Variants in NBEA observed in about 807,000 individuals in gnomAD.
The protein encoded by NBEA is lysosomal-trafficking regulator 2.
In NBEA, 44 loss-of-function variants were observed where a neutral mutation model predicts 343.4. The ratio of observed to expected loss-of-function variants is 0.13; its 90% CI spans 0.10 to 0.16. NBEA has a LOEUF of 0.16. Among genes scored for constraint, NBEA ranks in the 10% least tolerant of loss-of-function variants. NBEA has a pLI of 1.00. For synonymous variants in NBEA, 1,175 were observed against 1,238.7 expected, an observed-to-expected ratio of 0.95 and a Z score of 1.08; for missense variants, 2,555 against 3,631.3, an observed-to-expected ratio of 0.70 and a Z score of 7.62.
intron 1 of NBEA, among the ~76,000 whole-genome samples, chr13:35,009,331 G>C (rs1248563510): frequency 6.6e-6 from 1 of 152,154 alleles, no homozygotes; most frequent in Non-Finnish European, 1.5e-5. Flanking sequence ...TCTGTGGAGA[G>C]CATAATGCAG....
intron 1 of NBEA, among the ~76,000 whole-genome samples, chr13:35,020,477 C>T (rs1011821666): frequency 2.0e-5 from 3 of 151,936 alleles, no homozygotes; most frequent in East Asian, 1.9e-4. Context: ...TATGTATGCC[C>T]CAATAACAAT....
rs1348731685 is a variant in NBEA, at chr13:35,159,848, C to T, written c.3677C>T (p.Ala1226Val). 3.1e-6 allele frequency: 5 copies of T among 1,607,436 alleles called. No individual in the cohort carries two copies. Among genetic ancestry groups the T allele is most frequent in the East Asian group, 2.2e-5 (1 of 44,600 alleles). The change falls in exon 22 of 59, where the codon GCG becomes GTG. Residue 1226 changes from alanine (A) to valine (V), a missense_variant. This residue lies in a region of NBEA where 367 missense variants were observed against 377.5 expected (regional missense o/e 0.97). Transcript: ENST00000379939. ...AGCAGTATTTCTGAAAGAGACTTAG[C>T]GTCATCAACTAAGGGGCTGGAGTAT... ...GMSSISERDL[A>V]SSTKGLEYAE...
intron 49 of NBEA, among the ~76,000 whole-genome samples, chr13:35,643,416 A>G (rs187583355): frequency 2.6e-5 from 4 of 152,290 alleles, no homozygotes; most frequent in Admixed American, 1.3e-4. Context: ...TAGAGTAAGC[A>G]TTCAACAAAT....
chr13:35,320,561 A>G (rs527582908), intron 36 of NBEA, among the ~76,000 whole-genome samples: 3 of 152,056 alleles, frequency 2.0e-5, no homozygotes, highest in African/African-American at 7.2e-5. Flanking sequence ...GTGAATCTGA[A>G]GTTTATGTGT....
Position 35,466,946 on chromosome 13 carries a change from A to G in NBEA, c.6449-5454A>G, listed in dbSNP as rs73497927. On this transcript the variant is annotated intron_variant, in intron 40 of 58. Transcript: ENST00000379939. ...TGAAACCCAGAGAACCATCCTGGAT[A>G]TCTAAAATTTGGGAATCTAAAATTT... 9.8e-3 allele frequency among the ~76,000 whole-genome samples: 1,494 copies of G among 152,258 alleles called. 27 individuals are homozygous for G. The highest frequency in any genetic ancestry group is 0.034 in the African/African-American group (1,432 of 41,536).
At chr13:35,008,254 T>C (rs2061376336) in intron 1 of NBEA, among the ~76,000 whole-genome samples, 1 of 152,218 alleles carries the variant, frequency 6.6e-6, no homozygotes, top group African/African-American at 2.4e-5. Context: ...GGTTTTAGTA[T>C]ACAATTTTCC....
intron 41 of NBEA, chr13:35,476,297 CTG>C (rs2075864294): frequency 4.4e-6 from 1 of 227,728 alleles, no homozygotes; most frequent in Non-Finnish European, 5.6e-6. Flanking sequence ...GTTGGTTTCC[CTG>C]CTGCTGCTGC....
intron 33 of NBEA, among the ~76,000 whole-genome samples, chr13:35,215,399 A>G (rs1040073368): frequency 2.6e-5 from 4 of 151,274 alleles, no homozygotes; most frequent in African/African-American, 4.8e-5. Flanking sequence ...GTGTTTGATG[A>G]TATTATATTA....
Position 35,555,095 on chromosome 13 carries a change from T to C in NBEA, c.6915T>C (p.Thr2305=). ...SNFEYLMFLN[T]IAGRTYNDLN... ...TCGAATATTTGATGTTCCTTAATAC[T>C]ATTGCAGGTAAGATGTCTCATTCTT... Residue 2305 remains threonine, a synonymous_variant, in exon 44 of 59, where the codon ACT becomes ACC. Transcript: ENST00000379939. 6.4e-7 allele frequency: 1 copy of C among 1,557,346 alleles called. No individual in the cohort carries two copies. Among genetic ancestry groups the C allele is most frequent in the South Asian group, 1.1e-5 (1 of 88,424 alleles).
At chr13:35,623,907 G>A (rs2153062657) in intron 48 of NBEA, among the ~76,000 whole-genome samples, 1 of 152,158 alleles carries the variant, frequency 6.6e-6, no homozygotes, top group South Asian at 2.1e-4. Flanking sequence ...AAGCTATCCA[G>A]CTAATTTTAT....
chr13:35,276,010 A>G (rs2034557992), intron 34 of NBEA, among the ~76,000 whole-genome samples: 1 of 152,194 alleles, frequency 6.6e-6, no homozygotes, highest in African/African-American at 2.4e-5. Context: ...TAATTTAAAA[A>G]AAGAAGAGAT....
rs184811734 is a variant in NBEA, at chr13:35,422,716, A to G, written c.6180-9553A>G. 8.5e-5 allele frequency among the ~76,000 whole-genome samples: 13 copies of G among 152,340 alleles called. No homozygotes were observed. In the East Asian group the frequency reaches 2.5e-3, roughly 29 times the overall value. On this transcript the variant is annotated intron_variant, in intron 38 of 58. Transcript: ENST00000379939. The stretch of plus-strand genomic sequence containing the variant: ...ATTTCTAGTTCTAGATACCTGAGGA[A>G]TCGCCACACTGTCTTCCACAATGGT...
At chr13:35,584,342 G>T (rs1379248391) in intron 46 of NBEA, among the ~76,000 whole-genome samples, 3 of 148,080 alleles carry the variant, frequency 2.0e-5, no homozygotes, top group Non-Finnish European at 4.5e-5. Flanking sequence ...CAGTGAGAGG[G>T]TCTCTCACTC....
At chr13:35,616,952 G>A (rs1358164149) in intron 48 of NBEA, among the ~76,000 whole-genome samples, 4 of 152,146 alleles carry the variant, frequency 2.6e-5, no homozygotes, top group Non-Finnish European at 4.4e-5. Context: ...TATTAATCCA[G>A]CCAGCTGTGT....
At chr13:35,623,734 T>A (rs2083099942) in intron 48 of NBEA, among the ~76,000 whole-genome samples, 1 of 152,110 alleles carries the variant, frequency 6.6e-6, no homozygotes, top group African/African-American at 2.4e-5. Context: ...ATATTTAAAA[T>A]GTCAAAATTG....
At chr13:35,355,944 A>G (rs1036793506) in intron 38 of NBEA, among the ~76,000 whole-genome samples, 1 of 151,926 alleles carries the variant, frequency 6.6e-6, no homozygotes, top group Admixed American at 6.6e-5. Context: ...CATATATTTT[A>G]CTTATATATT....
intron 38 of NBEA, among the ~76,000 whole-genome samples, chr13:35,390,466 A>G (rs2042448990): frequency 1.3e-5 from 2 of 152,296 alleles, no homozygotes; most frequent in East Asian, 1.9e-4. Flanking sequence ...TAGAATTGCA[A>G]TGTTTGCTAA....
chr13:35,609,113 A>C (rs747269504), intron 48 of NBEA, among the ~76,000 whole-genome samples: 1 of 152,266 alleles, frequency 6.6e-6, no homozygotes, highest in Non-Finnish European at 1.5e-5. Context: ...CAAGTATACT[A>C]AGCTTAAATA....
At chr13:35,071,872 G>C (rs2063888334) in intron 10 of NBEA, among the ~76,000 whole-genome samples, 1 of 151,880 alleles carries the variant, frequency 6.6e-6, no homozygotes, top group South Asian at 2.1e-4. Context: ...TCTAAATATG[G>C]ATATGAGATT....
Sources: allele counts gnomAD v4.1 joint callset (sites outside exome capture counted in the v4.1 genomes callset), GRCh38; gene constraint gnomAD v4.1.1; regional missense constraint gnomAD v4.1.1; transcripts MANE v1.5; gene names NCBI Gene and HGNC (gene_info 2026-07-23, HGNC 2026-07-21).